Variants in RBFOX1 observed in about 807,000 individuals in gnomAD.
The protein encoded by RBFOX1 is RNA binding protein fox-1 homolog 1.
Under a neutral mutation model 57.7 loss-of-function variants are expected in RBFOX1, and 8 were observed. That is an observed-to-expected ratio of 0.14 (90% CI 0.08 to 0.25). The LOEUF (loss-of-function observed/expected upper bound fraction) is 0.25. Among genes scored for constraint, RBFOX1 ranks in the 10% least tolerant of loss-of-function variants. The pLI, the probability that RBFOX1 is intolerant of heterozygous loss-of-function variation, is 1.00. For synonymous variants in RBFOX1, 326 were observed against 222.4 expected, an observed-to-expected ratio of 1.47 and a Z score of -4.15; for missense variants, 611 against 548.5, an observed-to-expected ratio of 1.11 and a Z score of -1.14.
chr16:5,643,141 A>G (rs2048936081), intron 3 of RBFOX1, among the ~76,000 whole-genome samples: 1 of 152,188 alleles, frequency 6.6e-6, no homozygotes, highest in Non-Finnish European at 1.5e-5. Flanking sequence ...AGATGCTAGC[A>G]TTATGGTTGC....
At chr16:6,887,134 G>T (rs1044208637) in intron 3 of RBFOX1, among the ~76,000 whole-genome samples, 13 of 152,076 alleles carry the variant, frequency 8.5e-5, no homozygotes, top group Admixed American at 3.3e-4. Flanking sequence ...CCTTTACATT[G>T]TTATTGTTGA....
At chr16:5,695,821 A>G (rs1017795800) in intron 3 of RBFOX1, among the ~76,000 whole-genome samples, 9 of 151,846 alleles carry the variant, frequency 5.9e-5, no homozygotes, top group African/African-American at 1.9e-4. Flanking sequence ...GGAGGTAACT[A>G]TAGAATGTAA....
At chr16:5,939,429 C>T (rs1193506517) in intron 4 of RBFOX1, among the ~76,000 whole-genome samples, 1 of 152,212 alleles carries the variant, frequency 6.6e-6, no homozygotes, top group Non-Finnish European at 1.5e-5. Flanking sequence ...ACTGGGAGAG[C>T]TACTCCCAAG....
intron 1 of RBFOX1, among the ~76,000 whole-genome samples, chr16:6,206,458 C>G (rs1262507759): frequency 6.6e-6 from 1 of 152,182 alleles, no homozygotes; most frequent in Non-Finnish European, 1.5e-5. Context: ...AATGTATTTA[C>G]TCATTTTTTG....
intron 1 of RBFOX1, among the ~76,000 whole-genome samples, chr16:5,342,935 A>G (rs906043230): frequency 3.3e-5 from 5 of 152,188 alleles, no homozygotes; most frequent in African/African-American, 1.2e-4. Flanking sequence ...ATGAGTTCTA[A>G]TTAGACCTAA....
At chr16:5,477,515 G>A (rs2069371702) in intron 2 of RBFOX1, among the ~76,000 whole-genome samples, 1 of 152,204 alleles carries the variant, frequency 6.6e-6, no homozygotes, top group Non-Finnish European at 1.5e-5. Context: ...CTTTGCATAA[G>A]TTATTGAAGT....
chr16:7,360,858 G>A (rs1309114951), intron 4 of RBFOX1, among the ~76,000 whole-genome samples: 1 of 152,126 alleles, frequency 6.6e-6, no homozygotes, highest in Admixed American at 6.5e-5. Flanking sequence ...AGATTTCCCA[G>A]GTCACCTTGA....
chr16:5,591,437 G>C (rs1305572606), intron 2 of RBFOX1, among the ~76,000 whole-genome samples: 1 of 152,076 alleles, frequency 6.6e-6, no homozygotes, highest in African/African-American at 2.4e-5. Flanking sequence ...TTTTAGTAGA[G>C]ATGGGGTTTC....
chr16:6,925,125 T>G (rs1387863049), intron 3 of RBFOX1, among the ~76,000 whole-genome samples: 3 of 84,208 alleles, frequency 3.6e-5, no homozygotes, highest in South Asian at 5.4e-4. Flanking sequence ...TTTTTTTTTT[T>G]TTTTTTTTTT....
chr16:7,304,601 C>T (rs2096127509), intron 4 of RBFOX1: 1 of 984,350 alleles, frequency 1.0e-6, no homozygotes, highest in South Asian at 4.7e-5. Flanking sequence ...GGGGCTCCCG[C>T]GTTGCGATGG....
intron 3 of RBFOX1, among the ~76,000 whole-genome samples, chr16:6,673,974 T>C (rs1302351574): frequency 6.6e-6 from 1 of 152,074 alleles, no homozygotes; most frequent in East Asian, 1.9e-4. Context: ...AAGGAGACTC[T>C]AGGAAGGGAG....
chr16:6,053,430 G>A (rs2095577341), intron 1 of RBFOX1, among the ~76,000 whole-genome samples: 2 of 152,146 alleles, frequency 1.3e-5, no homozygotes, highest in South Asian at 4.1e-4. Context: ...GAGAGAGAGT[G>A]ATAAGGTAAG....
chr16:5,794,596 T>A (rs1310253339), intron 3 of RBFOX1, among the ~76,000 whole-genome samples: 1 of 152,072 alleles, frequency 6.6e-6, no homozygotes, highest in Non-Finnish European at 1.5e-5. Flanking sequence ...AGATGTTGTG[T>A]GTCAAGGCAT....
At chr16:6,500,404 C>T (rs2095876947) in intron 2 of RBFOX1, among the ~76,000 whole-genome samples, 2 of 152,068 alleles carry the variant, frequency 1.3e-5, no homozygotes, top group Admixed American at 1.3e-4. Context: ...ATTCACTGAC[C>T]ATTTATATGA....
At position 6,610,706 on chromosome 16, in the gene RBFOX1, C is replaced by T. The variant is rs376086443; in HGVS notation, c.-63-43897C>T. On this transcript the variant is annotated intron_variant, in intron 2 of 15. Coordinates refer to ENST00000550418, the MANE Select transcript of RBFOX1 (RefSeq NM_018723.4). ...GAAGAAACACTGAAAGATCAGATTG[C>T]GAAGTGGTCTTGTTACTCAGCAGCT... 1.5e-4 allele frequency among the ~76,000 whole-genome samples: 23 copies of T among 152,278 alleles called. No individual in the cohort carries two copies. The East Asian group carries it at 2.9e-3, about 19-fold the overall frequency.
intron 1 of RBFOX1, among the ~76,000 whole-genome samples, chr16:5,430,463 G>A (rs1233519255): frequency 6.6e-6 from 1 of 152,200 alleles, no homozygotes; most frequent in African/African-American, 2.4e-5. Flanking sequence ...AGCTGGGGCT[G>A]GAGCTGGAGG....
At chr16:6,599,240 C>T (rs993643372) in intron 2 of RBFOX1, among the ~76,000 whole-genome samples, 24 of 152,262 alleles carry the variant, frequency 1.6e-4, no homozygotes, top group African/African-American at 5.3e-4. Context: ...GTATTGATAA[C>T]TGCAATGTTC....
At chr16:6,042,008 A>G (rs2095441509) in intron 1 of RBFOX1, among the ~76,000 whole-genome samples, 1 of 151,906 alleles carries the variant, frequency 6.6e-6, no homozygotes, top group Non-Finnish European at 1.5e-5. Context: ...GACTGTCGGC[A>G]TTCCTTGGCT....
At chr16:7,553,523 G>A (rs147093935) in intron 5 of RBFOX1, among the ~76,000 whole-genome samples, 1,700 of 152,296 alleles carry the variant, frequency 0.011, 16 homozygotes, top group Non-Finnish European at 0.02. Context: ...AGACATGCAG[G>A]ACTATCAGGC....
Sources: gnomAD v4.1 joint callset for allele counts (sites outside exome capture counted in the v4.1 genomes callset) on GRCh38, gnomAD v4.1.1 for gene constraint, MANE v1.5 for transcripts, NCBI Gene and HGNC (gene_info 2026-07-23, HGNC 2026-07-21) for gene names.